Variants in RTN4 observed in about 807,000 individuals in gnomAD.
RTN4 encodes reticulon 4.
A neutral mutation model predicts 90.4 loss-of-function variants in RTN4; 32 were observed. The ratio of observed to expected loss-of-function variants is 0.35; its 90% confidence interval spans 0.27 to 0.48. The LOEUF is 0.48. Among genes scored for constraint, RTN4 ranks in the 20% least tolerant of loss-of-function variants. RTN4 has a pLI of 0.99. For missense variants in RTN4, 1,706 were observed against 1,430.2 expected (o/e 1.19, Z -3.11); for synonymous variants, 629 against 552.5 (o/e 1.14, Z -1.94).
At chr2:54,995,132 C>T (rs886230618) in intron 3 of RTN4, among the ~76,000 whole-genome samples, 10 of 151,634 alleles carry the variant, frequency 6.6e-5, no homozygotes, top group Admixed American at 2.6e-4. Context: ...CCCAGCTACT[C>T]GGGAGGCTGA....
intron 3 of RTN4, among the ~76,000 whole-genome samples, chr2:54,997,870 C>T (rs1315037523): frequency 6.6e-6 from 1 of 152,074 alleles, no homozygotes; most frequent in Non-Finnish European, 1.5e-5. Flanking sequence ...TAATTTCTTA[C>T]TGTAACTAAT....
intron 2 of RTN4, among the ~76,000 whole-genome samples, chr2:55,063,542 A>G (rs987357816): frequency 3.3e-5 from 5 of 152,228 alleles, no homozygotes; most frequent in African/African-American, 1.2e-4. Flanking sequence ...TTTTTCAAGC[A>G]TAATGGTAAG....
At chr2:55,074,942 C>T (rs1031450284) in intron 2 of RTN4, among the ~76,000 whole-genome samples, 23 of 152,302 alleles carry the variant, frequency 1.5e-4, no homozygotes, top group African/African-American at 5.5e-4. Context: ...GTAGTAAAAG[C>T]CATCTATGAC....
At chr2:54,993,316 A>C (rs1679173214) in intron 3 of RTN4, among the ~76,000 whole-genome samples, 1 of 152,152 alleles carries the variant, frequency 6.6e-6, no homozygotes, top group Non-Finnish European at 1.5e-5. Context: ...GAGTCTTATG[A>C]GTGTTATTTT....
intron 3 of RTN4, among the ~76,000 whole-genome samples, chr2:55,017,561 G>C (rs1022024486): frequency 6.6e-6 from 1 of 152,034 alleles, no homozygotes; most frequent in Non-Finnish European, 1.5e-5. Context: ...TCTATATTTC[G>C]ATTACGAACT....
At chr2:55,052,343 C>G (rs987465038), upstream of RTN4, among the ~76,000 whole-genome samples, 1 of 152,098 alleles carries the variant, frequency 6.6e-6, no homozygotes, top group Non-Finnish European at 1.5e-5. Context: ...CTCTGTACTT[C>G]CTGTTCAACT....
intron 3 of RTN4, among the ~76,000 whole-genome samples, chr2:55,007,521 G>A (rs1024280908): frequency 1.2e-4 from 18 of 152,084 alleles, no homozygotes; most frequent in Admixed American, 5.9e-4. Context: ...TGGGCAGCAC[G>A]CAAATGAGGA....
At position 54,985,667 on chromosome 2, in the gene RTN4, T is replaced by G. The variant is rs1423956866; in HGVS notation, c.3221+1824A>C. On this transcript the variant is annotated intron_variant, in intron 4 of 8. Transcript: ENST00000337526. Reference sequence around the variant, plus strand: ...CCCTAAACTTGTATAACATCATTACTTCATCACAAAGAGAAAGCCAGAGAA... The same window carrying G: ...CCCTAAACTTGTATAACATCATTACGTCATCACAAAGAGAAAGCCAGAGAA... Among the ~76,000 whole-genome samples, 3 of 152,212 alleles carry G rather than the reference T, an allele frequency of 2.0e-5. No homozygotes were observed. In the East Asian group the frequency reaches 5.8e-4, roughly 29 times the overall value.
At chr2:55,013,358 A>T (rs1680784284) in intron 3 of RTN4, among the ~76,000 whole-genome samples, 1 of 152,118 alleles carries the variant, frequency 6.6e-6, no homozygotes, top group Non-Finnish European at 1.5e-5. Context: ...AAAAAAATCA[A>T]AGATGAAAAC....
At chr2:55,046,824 C>A (rs199780971) in intron 1 of RTN4, 4 of 152,180 alleles carry the variant, frequency 2.6e-5, no homozygotes, top group Admixed American at 1.3e-4. Flanking sequence ...ACTAAAAAAA[C>A]TAAAGTTTCC....
intron 5 of RTN4, among the ~76,000 whole-genome samples, chr2:54,976,190 T>C (rs148206335): frequency 9.8e-5 from 15 of 152,296 alleles, no homozygotes; most frequent in African/African-American, 3.6e-4. Context: ...TGACAGAAGA[T>C]AGTAACAAAC....
chr2:55,133,404 G>A, the RTN4 span, among the ~76,000 whole-genome samples: 2 of 151,590 alleles, frequency 1.3e-5, no homozygotes, highest in South Asian at 2.1e-4. Flanking sequence ...TTTTTTACTT[G>A]CAAAAGCAAT....
chr2:55,094,151 T>A (rs1265378925), intron 1 of RTN4, among the ~76,000 whole-genome samples: 1 of 152,172 alleles, frequency 6.6e-6, no homozygotes, highest in African/African-American at 2.4e-5. Flanking sequence ...TAGATTTAGA[T>A]GAGGCCCTGA....
At chr2:55,090,241 T>C (rs1212053980) in intron 1 of RTN4, among the ~76,000 whole-genome samples, 1 of 152,054 alleles carries the variant, frequency 6.6e-6, no homozygotes, top group African/African-American at 2.4e-5. Flanking sequence ...CATAGAACTA[T>C]CCCCAAATGT....
chr2:55,025,801 A>C lies in RTN4; in HGVS notation c.2298T>G (p.Leu766=), dbSNP rs1408786391. 6.2e-7 allele frequency: 1 copy of C among 1,613,592 alleles called. No homozygotes were observed. Among genetic ancestry groups the C allele is most frequent in the Admixed American group, 1.7e-5 (1 of 59,908 alleles). ...AAGTCTCAGTGAGACTTTCTTTCAC[A>C]AGCATCACAGTTTCATCTTGTTTTT... ...VPQKQDETVM[L]VKESLTETSF... The change falls in exon 3 of 9, where the codon CTT becomes CTG. Residue 766 remains leucine (L), a synonymous_variant. Transcript: ENST00000337526.
intron 3 of RTN4, among the ~76,000 whole-genome samples, chr2:55,018,076 C>T (rs1681171595): frequency 6.6e-6 from 1 of 152,146 alleles, no homozygotes; most frequent in Admixed American, 6.5e-5. Context: ...AAACATTGTG[C>T]TTATTACATA....
chr2:55,008,321 G>T (rs937449773), intron 3 of RTN4, among the ~76,000 whole-genome samples: 2 of 151,916 alleles, frequency 1.3e-5, no homozygotes, highest in Non-Finnish European at 2.9e-5. Context: ...CTTCTCTGCT[G>T]TCAAACTATT....
At chr2:55,076,556 C>A (rs1381986913) in intron 2 of RTN4, among the ~76,000 whole-genome samples, 11 of 151,970 alleles carry the variant, frequency 7.2e-5, no homozygotes, top group Admixed American at 4.6e-4. Flanking sequence ...TGCATAACCA[C>A]GCTGAGCTAA....
intron 2 of RTN4, among the ~76,000 whole-genome samples, chr2:55,074,116 A>G (rs1573499434): frequency 1.3e-5 from 2 of 152,234 alleles, no homozygotes; most frequent in East Asian, 3.8e-4. Flanking sequence ...CCATGTTTGA[A>G]GGTGATGTGC....
Sources: allele counts gnomAD v4.1 joint callset (sites outside exome capture counted in the v4.1 genomes callset), GRCh38; gene constraint gnomAD v4.1.1; transcripts MANE v1.5; gene names NCBI Gene and HGNC (gene_info 2026-07-23, HGNC 2026-07-21).